ST3GAL1: variants seen among roughly 807,000 people sequenced by gnomAD.
ST3GAL1 encodes the protein CMP-N-acetylneuraminate-beta-galactosamide-alpha-2,3-sialyltransferase 1.
In ST3GAL1, 16 loss-of-function variants were observed where a neutral mutation model predicts 34.1. That is an observed-to-expected ratio of 0.47 (90% CI 0.32 to 0.71). ST3GAL1 has a LOEUF of 0.71. ST3GAL1 is among the 30% of genes least tolerant of loss of function. The pLI, the probability that ST3GAL1 is intolerant of heterozygous loss-of-function variation, is 0.04. For synonymous variants in ST3GAL1, 191 were observed against 184.7 expected (o/e 1.03, Z -0.28); for missense variants, 353 against 447.4 (o/e 0.79, Z 1.90).
intron 2 of ST3GAL1, among the ~76,000 whole-genome samples, chr8:133,533,602 A>T (rs1650237275): frequency 6.6e-6 from 1 of 152,178 alleles, no homozygotes. Context: ...TTGGAGGCAG[A>T]TCCACTTGCC....
chr8:133,533,316 C>G (rs1039682771), intron 2 of ST3GAL1, among the ~76,000 whole-genome samples: 27 of 152,256 alleles, frequency 1.8e-4, no homozygotes, highest in Non-Finnish European at 2.9e-4. Context: ...TATTTTTCCC[C>G]GTGAATTACC....
At chr8:133,540,774 T>C (rs1313456059) in intron 2 of ST3GAL1, among the ~76,000 whole-genome samples, 1 of 70,472 alleles carries the variant, frequency 1.4e-5, no homozygotes, top group East Asian at 5.4e-4. Context: ...CATATATATA[T>C]AGAGACATAT....
chr8:133,455,739 G>C lies in ST3GAL1; in HGVS notation c.*4025C>G, dbSNP rs559671744. On this transcript the variant is annotated 3_prime_UTR_variant, in exon 10 of 10. Coordinates refer to ENST00000522652, the MANE Select transcript of ST3GAL1 (RefSeq NM_173344.3). ...TTTAGCTGGGCAGTGGCCCCTCGAG[G>C]CTCGGGCTTCCCTGCACAAGGTATT... 1 of 152,378 alleles carries C rather than the reference G, an allele frequency of 6.6e-6. No individual in the cohort carries two copies. The highest frequency in any genetic ancestry group is 6.5e-5 in the Admixed American group (1 of 15,310). 9.4% of individuals were successfully genotyped at this position (152,378 alleles called of 1,614,324 possible).
chr8:133,511,867 C>T (rs572075965), intron 2 of ST3GAL1, among the ~76,000 whole-genome samples: 1 of 152,036 alleles, frequency 6.6e-6, no homozygotes, highest in South Asian at 2.1e-4. Flanking sequence ...TTCTGGCCAA[C>T]GTGGTGAAAC....
intron 2 of ST3GAL1, among the ~76,000 whole-genome samples, chr8:133,525,466 C>G (rs1343974894): frequency 6.6e-6 from 1 of 152,152 alleles, no homozygotes; most frequent in Non-Finnish European, 1.5e-5. Flanking sequence ...CATGGACTCC[C>G]CCTGGAACTG....
intron 3 of ST3GAL1, among the ~76,000 whole-genome samples, chr8:133,485,853 G>A (rs533177871): frequency 3.9e-5 from 6 of 152,162 alleles, no homozygotes; most frequent in Middle Eastern, 3.4e-3. Context: ...GGCTGTTTGC[G>A]GTGACCCCCA....
chr8:133,462,874 T>A (rs2130917671), intron 8 of ST3GAL1, among the ~76,000 whole-genome samples: 1 of 152,334 alleles, frequency 6.6e-6, no homozygotes, highest in South Asian at 2.1e-4. Flanking sequence ...ACTAGCTGTG[T>A]GTCTCTGGGC....
chr8:133,558,378 T>C (rs756838443), intron 1 of ST3GAL1, among the ~76,000 whole-genome samples: 2 of 152,146 alleles, frequency 1.3e-5, no homozygotes, highest in African/African-American at 4.8e-5. Context: ...GAAAGGGAAG[T>C]ACAGAGAGGT....
At position 133,461,664 on chromosome 8, in the gene ST3GAL1, C is replaced by G. The variant is rs117167931; in HGVS notation, c.849+211G>C. Among the ~76,000 whole-genome samples the G allele has an allele frequency of 2.0e-5, 3 of 152,330 alleles. No homozygotes were observed. The East Asian group carries it at 5.8e-4, about 29-fold the overall frequency. On this transcript the variant is annotated intron_variant, in intron 9 of 9. Coordinates refer to ENST00000522652, the MANE Select transcript of ST3GAL1 (RefSeq NM_173344.3). This position sits in a 1 kb window ranked among gnomAD's most constrained non-coding sequence, Gnocchi z 4.7. Reference sequence around the variant, plus strand: ...GGCACTTACACAGAATGTGCCAGAACTATTGCTCCTGAGAACTTTCTCATA... The same window carrying G: ...GGCACTTACACAGAATGTGCCAGAAGTATTGCTCCTGAGAACTTTCTCATA...
At position 133,538,318 on chromosome 8, in the gene ST3GAL1, C is replaced by T. The variant is rs142909829; in HGVS notation, c.-429+7456G>A. 2.1e-4 allele frequency among the ~76,000 whole-genome samples: 32 copies of T among 152,296 alleles called. No individual in the cohort carries two copies. The East Asian group carries it at 2.1e-3, about 10-fold the overall frequency. On this transcript the variant is annotated intron_variant, in intron 2 of 9. Transcript: ENST00000522652. Reference sequence around the variant, plus strand: ...TCACCTGAGGTCAGGAGTTCGAGATCGGCCTGGCCAACATGGCGAAACCCC... The same window carrying T: ...TCACCTGAGGTCAGGAGTTCGAGATTGGCCTGGCCAACATGGCGAAACCCC...
intron 3 of ST3GAL1, among the ~76,000 whole-genome samples, chr8:133,485,638 A>G (rs72718296): frequency 0.014 from 2,131 of 152,300 alleles, 24 homozygotes; most frequent in Middle Eastern, 0.031. Context: ...AAAGAAAACC[A>G]GATGCCCAAG....
intron 2 of ST3GAL1, among the ~76,000 whole-genome samples, chr8:133,506,641 C>T (rs1317577941): frequency 1.3e-5 from 2 of 151,306 alleles, no homozygotes; most frequent in Non-Finnish European, 2.9e-5. Flanking sequence ...AAAAATTAGC[C>T]GGGCGTGGTG....
chr8:133,551,609 A>G (rs555002174), intron 1 of ST3GAL1, among the ~76,000 whole-genome samples: 40 of 138,852 alleles, frequency 2.9e-4, no homozygotes, highest in African/African-American at 1.0e-3. Context: ...AAAGAAAGAA[A>G]GAAAGAAAGA....
At chr8:133,475,616 C>T in intron 5 of ST3GAL1, 103 bp downstream of exon 5, 1 of 1,348,310 alleles carries the variant, frequency 7.4e-7, no homozygotes, top group Non-Finnish European at 9.8e-7. Context: ...ACTTTCAGCC[C>T]AGGCCTCCCA....
chr8:133,489,034 C>G (rs894493235), intron 3 of ST3GAL1, among the ~76,000 whole-genome samples: 16 of 152,128 alleles, frequency 1.1e-4, no homozygotes, highest in African/African-American at 3.6e-4. Context: ...GTCCCTTGCT[C>G]CTGTCAAATG....
chr8:133,526,923 T>C (rs1817992621), intron 2 of ST3GAL1, among the ~76,000 whole-genome samples: 1 of 152,224 alleles, frequency 6.6e-6, no homozygotes, highest in East Asian at 1.9e-4. Flanking sequence ...CTGAGACATA[T>C]CGCTGCACTC....
chr8:133,487,293 G>GTATA lies in ST3GAL1; in HGVS notation c.-373-10697_-373-10694dup, dbSNP rs34125913. On this transcript the variant is annotated intron_variant, in intron 3 of 9. Transcript: ENST00000522652. Reference sequence around the variant, plus strand: ...ACACATATTGGAAACAATACTATTGGTATATATATATATATATAGTGCTTA... The same window carrying GTATA: ...ACACATATTGGAAACAATACTATTGGTATATATATATATATATATATAGTGCTTA... Among the ~76,000 whole-genome samples the GTATA allele has an allele frequency of 2.5e-3, 382 of 150,448 alleles. 1 individual carries two copies. Among genetic ancestry groups the GTATA allele is most frequent in the South Asian group, 0.019 (91 of 4,744 alleles).
intron 2 of ST3GAL1, among the ~76,000 whole-genome samples, chr8:133,535,165 C>G (rs556162237): frequency 6.6e-5 from 10 of 152,338 alleles, no homozygotes. Context: ...GAGAAGAGCA[C>G]ATGCAAACCT....
At chr8:133,538,085 G>T (rs1563732553) in intron 2 of ST3GAL1, among the ~76,000 whole-genome samples, 1 of 152,248 alleles carries the variant, frequency 6.6e-6, no homozygotes, top group Non-Finnish European at 1.5e-5. Flanking sequence ...GATCTCTCTA[G>T]TGAAAGCTGG....
Sources: allele counts gnomAD v4.1 joint callset (sites outside exome capture counted in the v4.1 genomes callset), GRCh38; gene constraint gnomAD v4.1.1; non-coding constraint Gnocchi (gnomAD v3.1); transcripts MANE v1.5; gene names NCBI Gene and HGNC (gene_info 2026-07-23, HGNC 2026-07-21).